ABCB10: variants seen among roughly 807,000 people sequenced by gnomAD.
The protein encoded by ABCB10 is ATP-binding cassette sub-family B member 10, mitochondrial.
Under a neutral mutation model 65.4 loss-of-function variants are expected in ABCB10, and 54 were observed. That is an observed-to-expected ratio of 0.83 (90% CI 0.66 to 1.04). The LOEUF is 1.04. Ranked by LOEUF, ABCB10 falls within the 50% of genes least tolerant of loss-of-function variation. The pLI, the probability that ABCB10 is intolerant of heterozygous loss-of-function variation, is 0.00. For missense variants in ABCB10, 846 were observed against 976.6 expected, an observed-to-expected ratio of 0.87 and a Z score of 1.78; for synonymous variants, 418 against 406.5, an observed-to-expected ratio of 1.03 and a Z score of -0.34.
At position 229,535,898 on chromosome 1, in the gene ABCB10, G is replaced by A. The variant is rs551280290; in HGVS notation, c.1339+3558C>T. ...GAACCAGCACACCCAGCTAATTTTTGTATTTTTAGTAGAGACAGGGTTTTG... is the reference window on the plus strand; with the variant it reads ...GAACCAGCACACCCAGCTAATTTTTATATTTTTAGTAGAGACAGGGTTTTG... On this transcript the variant is annotated intron_variant, in intron 6 of 12. Coordinates refer to ENST00000344517, the MANE Select transcript of ABCB10 (RefSeq NM_012089.3). Among the ~76,000 whole-genome samples, 21 of 152,140 alleles carry A rather than the reference G, an allele frequency of 1.4e-4. No individual in the cohort carries two copies. The South Asian group carries it at 4.2e-3, about 30-fold the overall frequency.
Position 229,549,223 on chromosome 1 carries a change from G to C in ABCB10, c.718+11C>G, listed in dbSNP as rs929244366. ...AGGATGACTCACATCCCTGAGAGGA[G>C]AGACTGTTACCTGAAGTTTGCATGA... On this transcript the variant is annotated intron_variant, in intron 2 of 12. Coordinates refer to ENST00000344517, the MANE Select transcript of ABCB10 (RefSeq NM_012089.3). 1.2e-6 allele frequency: 2 copies of C among 1,613,936 alleles called. No homozygotes were observed. Among genetic ancestry groups the C allele is most frequent in the Non-Finnish European group, 1.7e-6 (2 of 1,179,870 alleles).
chr1:229,534,798 G>T (rs149772807), intron 6 of ABCB10, among the ~76,000 whole-genome samples: 2 of 151,044 alleles, frequency 1.3e-5, no homozygotes, highest in Admixed American at 1.3e-4. Context: ...TTGAACCTGG[G>T]GGGGTGGAGG....
At position 229,558,674 on chromosome 1, in the gene ABCB10, G is replaced by A. The variant is rs1316212811; in HGVS notation, c.-22C>T. Reference sequence around the variant, plus strand: ...GCATGGCGCTGCGTGCGACCCGTACGCCTCAGCCCGCCGGCCAGGCGCGCG... The same window carrying A: ...GCATGGCGCTGCGTGCGACCCGTACACCTCAGCCCGCCGGCCAGGCGCGCG... On this transcript the variant is annotated 5_prime_UTR_variant, in exon 1 of 13. Coordinates refer to ENST00000344517, the MANE Select transcript of ABCB10 (RefSeq NM_012089.3). 22 of 1,270,624 alleles carry A rather than the reference G, an allele frequency of 1.7e-5. No homozygotes were observed. The highest frequency in any genetic ancestry group is 2.0e-5 in the Non-Finnish European group (20 of 1,010,138). 78.7% of individuals were successfully genotyped at this position (1,270,624 alleles called of 1,614,324 possible). A position where few individuals can be genotyped will look rare whatever the true frequency, so the allele number is the denominator to read the frequency against.
rs750587738 is a variant in ABCB10 at position 229,517,844 on chromosome 1, T to G, written c.*335A>C. On this transcript the variant is annotated 3_prime_UTR_variant, in exon 13 of 13. Transcript: ENST00000344517. ...TTTATTTATAATTGCCTTTTTAAAGTTGTCATTTGACAATAGCTTCAATCT... is the reference window on the plus strand; with the variant it reads ...TTTATTTATAATTGCCTTTTTAAAGGTGTCATTTGACAATAGCTTCAATCT... The G allele has an allele frequency of 5.0e-6, 1 of 198,274 alleles. No homozygotes were observed. Among genetic ancestry groups the G allele is most frequent in the East Asian group, 1.4e-4 (1 of 7,266 alleles). The allele number at this position is 198,274 out of a possible 1,614,324, so 12.3% of individuals were successfully genotyped here.
chr1:229,534,301 G>A (rs1408301167), intron 6 of ABCB10, among the ~76,000 whole-genome samples: 1 of 152,194 alleles, frequency 6.6e-6, no homozygotes, highest in Non-Finnish European at 1.5e-5. Context: ...GGAGCAACAA[G>A]AACTCTCATT....
chr1:229,531,887 C>T (rs1038073768), intron 6 of ABCB10, 156 bp from the exon 7 acceptor site: 6 of 463,042 alleles, frequency 1.3e-5, no homozygotes, highest in Admixed American at 4.0e-5. Context: ...GGAACTGATA[C>T]TCAGAATTGC....
chr1:229,544,157 T>C (rs1350257338), intron 3 of ABCB10, among the ~76,000 whole-genome samples: 1 of 152,220 alleles, frequency 6.6e-6, no homozygotes, highest in African/African-American at 2.4e-5. Flanking sequence ...CTCACGTCTG[T>C]AATCCTAGCA....
Position 229,553,854 on chromosome 1 carries a change from A to G in ABCB10, c.517+4282T>C, listed in dbSNP as rs530988845. On this transcript the variant is annotated intron_variant, in intron 1 of 12. Coordinates refer to ENST00000344517, the MANE Select transcript of ABCB10 (RefSeq NM_012089.3). ...CTCTGTGCCCAGTTTCCTCATTTGT[A>G]AAATGGCAATAGAAACAATCCCTCC... 1.4e-4 allele frequency among the ~76,000 whole-genome samples: 21 copies of G among 152,184 alleles called. 1 individual carries two copies. In the South Asian group the frequency reaches 4.4e-3, roughly 32 times the overall value.
chr1:229,556,753 C>A (rs1663256089), intron 1 of ABCB10, among the ~76,000 whole-genome samples: 1 of 152,142 alleles, frequency 6.6e-6, no homozygotes, highest in Admixed American at 6.6e-5. Context: ...GAGTCACATA[C>A]AGAAGTGGTG....
chr1:229,533,398 A>G (rs1662632185), intron 6 of ABCB10, among the ~76,000 whole-genome samples: 1 of 152,242 alleles, frequency 6.6e-6, no homozygotes, highest in Admixed American at 6.5e-5. Context: ...TGCTGGGATT[A>G]TAGGTGTAAG....
chr1:229,531,959 T>G (rs1003751928), intron 6 of ABCB10: 114 of 380,264 alleles, frequency 3.0e-4, no homozygotes, highest in Non-Finnish European at 3.5e-4. Flanking sequence ...TTTTTTTTTT[T>G]TTTTTTTTTT....
intron 1 of ABCB10, among the ~76,000 whole-genome samples, chr1:229,551,765 C>T (rs890879938): frequency 6.6e-6 from 1 of 152,186 alleles, no homozygotes; most frequent in Non-Finnish European, 1.5e-5. Flanking sequence ...CTTGAGGTTC[C>T]GAGTACCTCA....
intron 11 of ABCB10, among the ~76,000 whole-genome samples, chr1:229,519,546 G>A (rs995632878): frequency 1.3e-5 from 2 of 152,192 alleles, no homozygotes; most frequent in Non-Finnish European, 2.9e-5. Context: ...CCGGCAATTT[G>A]GGAGGCCGAG....
intron 5 of ABCB10, 40 bp from the exon 6 acceptor site, chr1:229,539,631 A>G: frequency 6.3e-7 from 1 of 1,598,074 alleles, no homozygotes; most frequent in South Asian, 1.1e-5. Flanking sequence ...GTGGGAATCA[A>G]GGACCCAGAA....
chr1:229,531,376 G>C (rs1230311123), intron 7 of ABCB10, among the ~76,000 whole-genome samples: 4 of 152,158 alleles, frequency 2.6e-5, no homozygotes, highest in African/African-American at 9.7e-5. Context: ...CACCCAGATG[G>C]AGGGAGGGGA....
chr1:229,548,726 G>A (rs1344753177), intron 2 of ABCB10, among the ~76,000 whole-genome samples: 2 of 148,298 alleles, frequency 1.3e-5, no homozygotes, highest in Non-Finnish European at 3.0e-5. Context: ...GCAGTGGTAT[G>A]ATCTGGGCTC....
intron 3 of ABCB10, among the ~76,000 whole-genome samples, chr1:229,546,759 C>T (rs1031895573): frequency 2.0e-5 from 3 of 152,020 alleles, no homozygotes; most frequent in African/African-American, 7.2e-5. Context: ...TGGTGTGTGC[C>T]TGTAGTCCCA....
At chr1:229,550,854 A>G (rs1223611660) in intron 1 of ABCB10, among the ~76,000 whole-genome samples, 1 of 151,332 alleles carries the variant, frequency 6.6e-6, no homozygotes, top group Non-Finnish European at 1.5e-5. Flanking sequence ...ACAGAGCAAG[A>G]CTCTGTCTCA....
chr1:229,530,295 T>C lies in ABCB10; in HGVS notation c.1549A>G (p.Ile517Val), dbSNP rs137896558. 2.1e-5 allele frequency: 34 copies of C among 1,613,936 alleles called. No homozygotes were observed. The highest frequency in any genetic ancestry group is 5.3e-5 in the African/African-American group (4 of 74,872). Residue 517 changes from isoleucine to valine, a missense_variant, in exon 8 of 13, where the codon ATT (isoleucine) becomes GTT (valine). By Grantham distance (29) the Ile-to-Val change is conservative (BLOSUM62 3). Transcript: ENST00000344517. ...VPIFQDFSLSIPSGSVTALVG... is the reference protein window; with the variant it reads ...VPIFQDFSLSVPSGSVTALVG... ...AGTGCCGTGACAGATCCTGACGGAATGGAAAGGCTGAAATCCTGAAATATG... is the reference window on the plus strand; with the variant it reads ...AGTGCCGTGACAGATCCTGACGGAACGGAAAGGCTGAAATCCTGAAATATG...
Sources: allele counts gnomAD v4.1 joint callset (sites outside exome capture counted in the v4.1 genomes callset), GRCh38; gene constraint gnomAD v4.1.1; transcripts MANE v1.5; gene names NCBI Gene and HGNC (gene_info 2026-07-23, HGNC 2026-07-21).